Variants in GRM7 observed in about 807,000 individuals in gnomAD.
The protein encoded by GRM7 is metabotropic glutamate receptor 7.
Under a neutral mutation model 84.5 loss-of-function variants are expected in GRM7, and 35 were observed. The observed-to-expected ratio is 0.41, with a 90% confidence interval of 0.32 to 0.55. The LOEUF is 0.55. Ranked by LOEUF, GRM7 falls within the 20% of genes least tolerant of loss-of-function variation. The probability of loss-of-function intolerance (pLI) is 0.19; values close to 1 mark genes in which losing one functional copy is unlikely to be tolerated. For synonymous variants in GRM7, 487 were observed against 455.1 expected (o/e 1.07, Z -0.89); for missense variants, 1,003 against 1,194.6 (o/e 0.84, Z 2.36).
rs555571252 is a variant in GRM7 at position 7,225,314 on chromosome 3, C to A, written c.737-73370C>A. On this transcript the variant is annotated intron_variant, in intron 2 of 9. Coordinates refer to ENST00000357716, the MANE Select transcript of GRM7 (RefSeq NM_000844.4). ...TATATCATTTTCACCTCAAACTCAG[C>A]AGCATTGGGTTATAATATATAACTT... is the stretch of plus-strand genomic sequence containing the variant. Among the ~76,000 whole-genome samples, 6 of 150,312 alleles carry A rather than the reference C, an allele frequency of 4.0e-5. No homozygotes were observed. In the South Asian group the frequency reaches 1.2e-3, roughly 31 times the overall value.
At chr3:7,068,156 T>C (rs113310692) in intron 1 of GRM7, among the ~76,000 whole-genome samples, 159 of 152,122 alleles carry the variant, frequency 1.0e-3, no homozygotes, top group African/African-American at 3.6e-3. Flanking sequence ...TAGATGTGTT[T>C]TAAAATACTT....
At chr3:7,588,824 T>G (rs1165140882) in intron 8 of GRM7, among the ~76,000 whole-genome samples, 1 of 152,240 alleles carries the variant, frequency 6.6e-6, no homozygotes, top group Non-Finnish European at 1.5e-5. Context: ...TGCACGCTCT[T>G]CGTCCTCACT....
intron 1 of GRM7, among the ~76,000 whole-genome samples, chr3:7,056,295 A>G (rs995123900): frequency 2.0e-5 from 3 of 151,974 alleles, no homozygotes; most frequent in East Asian, 1.9e-4. Context: ...GGCCATGGTC[A>G]GTTTCTTTGC....
chr3:7,489,232 C>T (rs888391597), intron 7 of GRM7, among the ~76,000 whole-genome samples: 5 of 152,118 alleles, frequency 3.3e-5, no homozygotes, highest in Non-Finnish European at 5.9e-5. Flanking sequence ...AGTATTTTCT[C>T]TTCTTTTTCA....
chr3:7,562,499 A>G (rs1694073617), intron 7 of GRM7, among the ~76,000 whole-genome samples: 1 of 152,098 alleles, frequency 6.6e-6, no homozygotes, highest in South Asian at 2.1e-4. Context: ...ATCTAGCCAG[A>G]ATTGAGAGCG....
rs58123164 is a variant in GRM7, at chr3:7,360,137, C to CTGTGTGTG, written c.1033+53514_1033+53521dup. ...CTTTCTCCCCCCCTTTTTTTTCCCTCTGTGTGTGTGTGTGTGTGTGTGTGT... is the reference window on the plus strand; with the variant it reads ...CTTTCTCCCCCCCTTTTTTTTCCCTCTGTGTGTGTGTGTGTGTGTGTGTGTGTGTGTGT... On this transcript the variant is annotated intron_variant, in intron 4 of 9. Coordinates refer to ENST00000357716, the MANE Select transcript of GRM7 (RefSeq NM_000844.4). Among the ~76,000 whole-genome samples the CTGTGTGTG allele has an allele frequency of 1.7e-4, 23 of 136,038 alleles. 1 individual carries two copies. Among genetic ancestry groups the CTGTGTGTG allele is most frequent in the African/African-American group, 5.5e-4 (19 of 34,292 alleles). 89.2% of individuals were successfully genotyped at this position (136,038 alleles called of 152,430 possible).
intron 1 of GRM7, among the ~76,000 whole-genome samples, chr3:6,977,593 C>A (rs1006741870): frequency 1.3e-5 from 2 of 152,128 alleles, no homozygotes; most frequent in Admixed American, 6.5e-5. Context: ...GCAAAACAAG[C>A]AAGCAAACTA....
At chr3:7,490,646 T>G (rs1699485344) in intron 7 of GRM7, among the ~76,000 whole-genome samples, 1 of 152,180 alleles carries the variant, frequency 6.6e-6, no homozygotes, top group Admixed American at 6.5e-5. Context: ...TATTAATCAT[T>G]GTTGAAGTTG....
intron 5 of GRM7, among the ~76,000 whole-genome samples, chr3:7,450,498 A>G (rs1478325110): frequency 6.6e-6 from 1 of 152,162 alleles, no homozygotes; most frequent in Non-Finnish European, 1.5e-5. Flanking sequence ...AGGCTGTTCT[A>G]TACTTTTTAG....
At chr3:7,734,952 G>C (rs6808050) in intron 9 of GRM7, among the ~76,000 whole-genome samples, 1 of 152,022 alleles carries the variant, frequency 6.6e-6, no homozygotes, top group Non-Finnish European at 1.5e-5. Flanking sequence ...ATGTTGAAGA[G>C]AACATCTACT....
chr3:7,168,538 G>T (rs1694880395), intron 2 of GRM7, among the ~76,000 whole-genome samples: 2 of 152,150 alleles, frequency 1.3e-5, no homozygotes, highest in Admixed American at 6.5e-5. Context: ...CACTGAATCT[G>T]CCAGCACTTT....
At chr3:7,627,867 G>C (rs969633615) in intron 8 of GRM7, among the ~76,000 whole-genome samples, 2 of 152,134 alleles carry the variant, frequency 1.3e-5, no homozygotes, top group Non-Finnish European at 1.5e-5. Flanking sequence ...AGTTATATTA[G>C]ATGAGGGCCC....
intron 1 of GRM7, among the ~76,000 whole-genome samples, chr3:6,879,325 T>G (rs1695425083): frequency 6.6e-6 from 1 of 152,208 alleles, no homozygotes; most frequent in African/African-American, 2.4e-5. Flanking sequence ...TAGAATACAG[T>G]GTGATGTTTT....
Position 7,660,111 on chromosome 3 carries a change from T to C in GRM7, c.2452-19938T>C, listed in dbSNP as rs558040810. On this transcript the variant is annotated intron_variant, in intron 8 of 9. Coordinates refer to ENST00000357716, the MANE Select transcript of GRM7 (RefSeq NM_000844.4). ...TAAATAAAACCTTATGGTTTAACTTTTCAAAATATATTTTGTCTGAATGTA... is the reference window on the plus strand; with the variant it reads ...TAAATAAAACCTTATGGTTTAACTTCTCAAAATATATTTTGTCTGAATGTA... 1.1e-4 allele frequency among the ~76,000 whole-genome samples: 16 copies of C among 152,364 alleles called. No individual in the cohort carries two copies. The South Asian group carries it at 2.5e-3, about 24-fold the overall frequency.
intron 7 of GRM7, among the ~76,000 whole-genome samples, chr3:7,572,098 A>G (rs925265488): frequency 6.6e-6 from 1 of 152,158 alleles, no homozygotes; most frequent in African/African-American, 2.4e-5. Context: ...ACAATTCATG[A>G]TGAGATTTGG....
chr3:6,867,068 G>A (rs1694961288), intron 1 of GRM7, among the ~76,000 whole-genome samples: 1 of 152,132 alleles, frequency 6.6e-6, no homozygotes, highest in African/African-American at 2.4e-5. Flanking sequence ...CTGATATTCT[G>A]GAACTCCTAC....
chr3:7,670,853 A>G (rs1699890689), intron 8 of GRM7, among the ~76,000 whole-genome samples: 1 of 152,314 alleles, frequency 6.6e-6, no homozygotes, highest in East Asian at 1.9e-4. Context: ...TTCCTACAAA[A>G]AGGCTAGTAG....
intron 2 of GRM7, among the ~76,000 whole-genome samples, chr3:7,155,283 C>T (rs943602771): frequency 3.9e-5 from 6 of 151,992 alleles, no homozygotes; most frequent in Admixed American, 6.6e-5. Context: ...GATATATTTC[C>T]CAATGTAATT....
chr3:7,251,364 C>A (rs1362559359), intron 2 of GRM7, among the ~76,000 whole-genome samples: 1 of 151,454 alleles, frequency 6.6e-6, no homozygotes, highest in Admixed American at 6.6e-5. Context: ...AAGTGACTAA[C>A]CTTAAATTAT....
Sources: allele counts gnomAD v4.1 joint callset (sites outside exome capture counted in the v4.1 genomes callset), GRCh38; gene constraint gnomAD v4.1.1; transcripts MANE v1.5; gene names NCBI Gene and HGNC (gene_info 2026-07-23, HGNC 2026-07-21).